The following ERBB4 variants were observed in gnomAD, a reference collection of about 807,000 sequenced individuals.
The protein encoded by ERBB4 is receptor tyrosine-protein kinase erbB-4.
Under a neutral mutation model 158.0 loss-of-function variants are expected in ERBB4, and 42 were observed. The observed-to-expected ratio is 0.27, with a 90% CI of 0.21 to 0.34. The LOEUF (loss-of-function observed/expected upper bound fraction) is 0.34, where lower values mean the gene tolerates loss of function less well. Among genes scored for constraint, ERBB4 ranks in the 10% least tolerant of loss-of-function variants. The pLI, the probability that ERBB4 is intolerant of heterozygous loss-of-function variation, is 1.00. For missense variants in ERBB4, 1,333 were observed against 1,624.1 expected, an observed-to-expected ratio of 0.82 and a Z score of 3.08; for synonymous variants, 583 against 558.7, an observed-to-expected ratio of 1.04 and a Z score of -0.61.
At chr2:211,929,235 G>A (rs759128805) in intron 3 of ERBB4, among the ~76,000 whole-genome samples, 1 of 6,996 alleles carries the variant, frequency 1.4e-4, no homozygotes, top group Non-Finnish European at 4.6e-4. Flanking sequence ...TTTGGAATAA[G>A]TGTGTGTGTG....
At chr2:211,499,794 TATAAACTGTTCCCAA>T (rs1328044519) in intron 20 of ERBB4, among the ~76,000 whole-genome samples, 1 of 151,926 alleles carries the variant, frequency 6.6e-6, no homozygotes, top group African/African-American at 2.4e-5. Flanking sequence ...TCTGAGACTA[TATAAACTGTTCCCAA>T]ACCAAGGTGG....
In ERBB4 at chr2:212,446,339, G is replaced by T. The variant is rs374015539; in HGVS notation, c.82+92110C>A. On this transcript the variant is annotated intron_variant, in intron 1 of 27. Coordinates refer to ENST00000342788, the MANE Select transcript of ERBB4 (RefSeq NM_005235.3). ...GGGAAGGCAGATCTACCCTTAATCT[G>T]GTGGGCACAATCTCATCAGCTGCCA... 4.0e-5 allele frequency among the ~76,000 whole-genome samples: 6 copies of T among 151,424 alleles called. 1 individual carries two copies. In the South Asian group the frequency reaches 1.0e-3, roughly 26 times the overall value.
chr2:211,385,531 G>T (rs1352861948), intron 27 of ERBB4, among the ~76,000 whole-genome samples: 1 of 152,104 alleles, frequency 6.6e-6, no homozygotes, highest in East Asian at 1.9e-4. Flanking sequence ...CATTTATAAG[G>T]AATGCAGAAT....
intron 20 of ERBB4, among the ~76,000 whole-genome samples, chr2:211,509,168 C>T (rs2065827802): frequency 4.6e-5 from 7 of 151,808 alleles, no homozygotes; most frequent in Admixed American, 3.3e-4. Flanking sequence ...GGGAGTATCA[C>T]GCACCAGAGC....
At chr2:211,833,796 T>C (rs1249798470) in intron 3 of ERBB4, among the ~76,000 whole-genome samples, 1 of 151,978 alleles carries the variant, frequency 6.6e-6, no homozygotes, top group Non-Finnish European at 1.5e-5. Context: ...TAAATGAATA[T>C]CAGATTAGAC....
intron 1 of ERBB4, among the ~76,000 whole-genome samples, chr2:212,207,877 A>G (rs1307737809): frequency 1.3e-5 from 2 of 152,080 alleles, no homozygotes; most frequent in South Asian, 4.1e-4. Context: ...CCTTTCTTTC[A>G]TACTGCCATT....
In ERBB4 at chr2:212,462,679, T is replaced by C. The variant is rs568400933; in HGVS notation, c.82+75770A>G. Among the ~76,000 whole-genome samples the C allele has an allele frequency of 2.8e-3, 423 of 152,270 alleles. 2 individuals are homozygous for C. The highest frequency in any genetic ancestry group is 4.5e-3 in the Non-Finnish European group (308 of 67,996). Reference sequence around the variant, plus strand: ...GAAATATAAATTAGTACAGGCATTATGGAACACAGTATGGATGCTCCTCAA... The same window carrying C: ...GAAATATAAATTAGTACAGGCATTACGGAACACAGTATGGATGCTCCTCAA... On this transcript the variant is annotated intron_variant, in intron 1 of 27. Transcript: ENST00000342788.
At chr2:211,565,068 C>T (rs1175126206) in intron 19 of ERBB4, among the ~76,000 whole-genome samples, 1 of 152,092 alleles carries the variant, frequency 6.6e-6, no homozygotes, top group Non-Finnish European at 1.5e-5. Flanking sequence ...TGAGAGATTG[C>T]TCAATAGGTA....
intron 23 of ERBB4, among the ~76,000 whole-genome samples, 188 bp from the exon 24 acceptor site, chr2:211,422,292 C>A (rs578115676): frequency 6.6e-6 from 1 of 151,920 alleles, no homozygotes; most frequent in African/African-American, 2.4e-5. Flanking sequence ...TGTTGATATT[C>A]ATAACTAAAT....
chr2:211,937,852 A>G (rs1575405271), intron 3 of ERBB4, among the ~76,000 whole-genome samples: 1 of 152,138 alleles, frequency 6.6e-6, no homozygotes, highest in African/African-American at 2.4e-5. Flanking sequence ...CAGCCAAACC[A>G]TATCTCTTTG....
chr2:211,713,559 G>T lies in ERBB4; in HGVS notation c.973C>A (p.Pro325Thr). Residue 325 changes from proline to threonine, a missense_variant, in exon 8 of 28, where the codon CCT becomes ACT. This residue lies in a region of ERBB4 where 438 missense variants were observed against 586.9 expected (regional missense o/e 0.75). Transcript: ENST00000342788. ...VEENGIKMCK[P>T]CTDICPKACD... ...CCTTTTGGGCAAATGTCAGTGCAAG[G>T]TTTACACATTTTAATCCCATTTTCT... 1 of 1,609,452 alleles carries T rather than the reference G, an allele frequency of 6.2e-7. No individual in the cohort carries two copies. The highest frequency in any genetic ancestry group is 1.1e-5 in the South Asian group (1 of 90,982).
At chr2:211,973,023 G>A (rs2081498680) in intron 2 of ERBB4, among the ~76,000 whole-genome samples, 1 of 151,186 alleles carries the variant, frequency 6.6e-6, no homozygotes, top group African/African-American at 2.4e-5. Context: ...CTCTATATCT[G>A]ACAAAGGTCT....
At chr2:211,599,218 G>A (rs928574502) in intron 19 of ERBB4, among the ~76,000 whole-genome samples, 1 of 152,092 alleles carries the variant, frequency 6.6e-6, no homozygotes, top group African/African-American at 2.4e-5. Context: ...TGATTCCTGT[G>A]TATATACCCT....
intron 1 of ERBB4, among the ~76,000 whole-genome samples, chr2:212,296,773 CAGGGTG>C (rs1426983220): frequency 1.3e-5 from 2 of 151,894 alleles, no homozygotes; most frequent in African/African-American, 4.8e-5. Context: ...AGGCTTGGAC[CAGGGTG>C]AGGCAAGCAA....
intron 1 of ERBB4, among the ~76,000 whole-genome samples, chr2:212,326,177 T>C (rs755365142): frequency 6.6e-6 from 1 of 150,664 alleles, no homozygotes; most frequent in Non-Finnish European, 1.5e-5. Context: ...AATGTATCCA[T>C]AAAACACTTC....
At chr2:211,455,140 ACT>A (rs1286123217) in intron 20 of ERBB4, among the ~76,000 whole-genome samples, 4 of 152,226 alleles carry the variant, frequency 2.6e-5, no homozygotes, top group African/African-American at 9.6e-5. Flanking sequence ...AACAGAAATT[ACT>A]CTGTTTTAAT....
intron 1 of ERBB4, among the ~76,000 whole-genome samples, chr2:212,135,197 T>C (rs2080234548): frequency 6.6e-6 from 1 of 152,164 alleles, no homozygotes; most frequent in South Asian, 2.1e-4. Flanking sequence ...ATTACAATAG[T>C]CTTTGAGAGC....
chr2:211,686,352 T>C (rs1332064444), intron 12 of ERBB4, among the ~76,000 whole-genome samples: 2 of 152,190 alleles, frequency 1.3e-5, no homozygotes, highest in African/African-American at 4.8e-5. Flanking sequence ...TCTGTATCAA[T>C]TGACATGATA....
At chr2:212,227,460 A>C (rs182454927) in intron 1 of ERBB4, among the ~76,000 whole-genome samples, 3 of 152,232 alleles carry the variant, frequency 2.0e-5, no homozygotes, top group Non-Finnish European at 2.9e-5. Flanking sequence ...TTTCCTGAAC[A>C]AAGCTTTGCT....
Sources: allele counts gnomAD v4.1 joint callset (sites outside exome capture counted in the v4.1 genomes callset), GRCh38; gene constraint gnomAD v4.1.1; regional missense constraint gnomAD v4.1.1; transcripts MANE v1.5; gene names NCBI Gene and HGNC (gene_info 2026-07-23, HGNC 2026-07-21).